TTC12: variants seen among roughly 807,000 people sequenced by gnomAD.
TTC12 encodes the protein tetratricopeptide repeat protein 12.
A neutral mutation model predicts 90.1 loss-of-function variants in TTC12; 70 were observed. The ratio of observed to expected loss-of-function variants is 0.78; its 90% CI spans 0.64 to 0.95. The LOEUF (loss-of-function observed/expected upper bound fraction) is 0.95, where lower values mean the gene tolerates loss of function less well. Ranked by LOEUF, TTC12 falls within the 40% of genes least tolerant of loss-of-function variation. The pLI is 0.00. For synonymous variants in TTC12, 296 were observed against 311.5 expected (o/e 0.95, Z 0.53); for missense variants, 819 against 846.1 (o/e 0.97, Z 0.40).
intron 18 of TTC12, among the ~76,000 whole-genome samples, chr11:113,360,584 G>T (rs1949873807): frequency 6.6e-6 from 1 of 152,192 alleles, no homozygotes; most frequent in Admixed American, 6.5e-5. Flanking sequence ...ATCAGGAGAA[G>T]AATATTAGTA....
At chr11:113,356,968 C>G (rs1387493111) in intron 16 of TTC12, among the ~76,000 whole-genome samples, 3 of 152,064 alleles carry the variant, frequency 2.0e-5, no homozygotes, top group Non-Finnish European at 2.9e-5. Context: ...GAATGTTGGC[C>G]TCTCTAGCTA....
intron 4 of TTC12, chr11:113,324,248 A>G (rs1947542029): frequency 7.3e-6 from 4 of 550,656 alleles, no homozygotes; most frequent in East Asian, 3.0e-5. Flanking sequence ...ATTCTGTATC[A>G]TCCAATTTAC....
At chr11:113,328,742 A>G (rs966313541) in intron 6 of TTC12, among the ~76,000 whole-genome samples, 1 of 152,068 alleles carries the variant, frequency 6.6e-6, no homozygotes, top group Admixed American at 6.6e-5. Flanking sequence ...TTTCATCATC[A>G]TCCCCCAAAA....
chr11:113,354,073 A>G (rs1949478439), intron 16 of TTC12, among the ~76,000 whole-genome samples: 1 of 152,180 alleles, frequency 6.6e-6, no homozygotes. Context: ...TTTTAACAAT[A>G]TTGATTCTTC....
At chr11:113,360,054 GT>G in intron 18 of TTC12, 46 bp downstream of exon 18, 1 of 1,103,146 alleles carries the variant, frequency 9.1e-7, no homozygotes, top group South Asian at 1.4e-5. Flanking sequence ...CATTGTTCTT[GT>G]TTTGTTTTGT....
Position 113,316,225 on chromosome 11 carries a change from T to C in TTC12, c.-15-18T>C. ...TGCTTTATTATTATTAATTTCACCA[T>C]TATGCTGCATCCCTTAGGGATTCCG... On this transcript the variant is annotated intron_variant, in intron 1 of 21. Transcript: ENST00000529221. 1 of 1,314,422 alleles carries C rather than the reference T, an allele frequency of 7.6e-7. No individual in the cohort carries two copies. Among genetic ancestry groups the C allele is most frequent in the Non-Finnish European group, 1.0e-6 (1 of 992,214 alleles). The allele number at this position is 1,314,422 out of a possible 1,614,324, so 81.4% of individuals were successfully genotyped here. A position where few individuals can be genotyped will look rare whatever the true frequency, so the allele number is the denominator to read the frequency against.
chr11:113,344,490 G>T, intron 13 of TTC12, 50 bp downstream of exon 13: 2 of 1,568,274 alleles, frequency 1.3e-6, no homozygotes, highest in South Asian at 2.3e-5. Flanking sequence ...GTCATCACTT[G>T]ACAAGTTCAG....
intron 6 of TTC12, among the ~76,000 whole-genome samples, chr11:113,327,821 G>C (rs1555141481): frequency 1.3e-5 from 2 of 152,158 alleles, no homozygotes; most frequent in South Asian, 4.1e-4. Flanking sequence ...TGGAGAAAAG[G>C]ATGATGCTTT....
chr11:113,360,281 C>T (rs1326056933), intron 18 of TTC12, among the ~76,000 whole-genome samples: 10 of 152,130 alleles, frequency 6.6e-5, no homozygotes, highest in Admixed American at 2.0e-4. Context: ...AAGAATCCCC[C>T]TTCCGTATGG....
chr11:113,332,268 G>T (rs1555142803), intron 7 of TTC12, among the ~76,000 whole-genome samples: 1 of 152,206 alleles, frequency 6.6e-6, no homozygotes, highest in Non-Finnish European at 1.5e-5. Flanking sequence ...TCTCGTGAGG[G>T]TCGACACATG....
At chr11:113,365,288 A>G (rs1591222657) in intron 21 of TTC12, among the ~76,000 whole-genome samples, 1 of 152,146 alleles carries the variant, frequency 6.6e-6, no homozygotes, top group Non-Finnish European at 1.5e-5. Flanking sequence ...CTTGTCTGAC[A>G]GGGACGTGCT....
intron 19 of TTC12, among the ~76,000 whole-genome samples, chr11:113,363,147 A>G (rs904755191): frequency 4.6e-5 from 7 of 152,206 alleles, no homozygotes; most frequent in Non-Finnish European, 1.0e-4. Context: ...CATCAGGCTG[A>G]GTGGCGCAGG....
At chr11:113,368,487 C>G, downstream of TTC12, 1 of 1,550,434 alleles carries the variant, frequency 6.4e-7, no homozygotes, top group Non-Finnish European at 8.7e-7. Flanking sequence ...TCTGGTTCAA[C>G]AAGCAGAGGA....
At chr11:113,368,826 C>T (rs1950298810), downstream of TTC12, 1 of 331,866 alleles carries the variant, frequency 3.0e-6, no homozygotes, top group Non-Finnish European at 5.5e-6. Context: ...AAACTAATTG[C>T]AGTTTTTGCC....
intron 10 of TTC12, 165 bp downstream of exon 10, chr11:113,339,639 G>A (rs557282046): frequency 1.6e-5 from 10 of 606,924 alleles, no homozygotes; most frequent in African/African-American, 5.5e-5. Flanking sequence ...AATGTCCTCC[G>A]ACTTCTGCTC....
intron 6 of TTC12, among the ~76,000 whole-genome samples, chr11:113,327,494 A>C (rs1316173398): frequency 6.6e-6 from 1 of 152,206 alleles, no homozygotes; most frequent in African/African-American, 2.4e-5. Flanking sequence ...CCTGGAGTTA[A>C]TGTTATGATC....
intron 13 of TTC12, among the ~76,000 whole-genome samples, chr11:113,345,395 A>T (rs1948892925): frequency 6.6e-6 from 1 of 152,108 alleles, no homozygotes; most frequent in Non-Finnish European, 1.5e-5. Context: ...AGGGAATCTC[A>T]CCCAACTAGG....
chr11:113,363,786 A>C (rs1950063962), intron 19 of TTC12, 42 bp from the exon 20 acceptor site: 6 of 1,405,400 alleles, frequency 4.3e-6, no homozygotes, highest in Non-Finnish European at 6.0e-6. Context: ...AAGAGCAATC[A>C]TAGCACTGAT....
At chr11:113,368,569 G>A (rs1347769618), downstream of TTC12, 25 of 1,392,254 alleles carry the variant, frequency 1.8e-5, no homozygotes, top group Non-Finnish European at 2.4e-5. Flanking sequence ...CCACAGCAGA[G>A]GTGGCAGGTA....
Sources: allele counts gnomAD v4.1 joint callset (sites outside exome capture counted in the v4.1 genomes callset), GRCh38; gene constraint gnomAD v4.1.1; transcripts MANE v1.5; gene names NCBI Gene and HGNC (gene_info 2026-07-23, HGNC 2026-07-21).